DPP9: variants seen among roughly 807,000 people sequenced by gnomAD.
DPP9 encodes the protein dipeptidyl peptidase 9.
A neutral mutation model predicts 110.7 loss-of-function variants in DPP9; 50 were observed. The observed-to-expected ratio is 0.45, with a 90% CI of 0.36 to 0.57. DPP9 has a LOEUF of 0.57. Ranked by LOEUF, DPP9 falls within the 20% of genes least tolerant of loss-of-function variation. DPP9 has a pLI of 0.00. For missense variants in DPP9, 1,022 were observed against 1,217.9 expected, an observed-to-expected ratio of 0.84 and a Z score of 2.39; for synonymous variants, 561 against 514.4, an observed-to-expected ratio of 1.09 and a Z score of -1.23.
chr19:4,713,641 C>T (rs2092937767), intron 4 of DPP9, among the ~76,000 whole-genome samples: 1 of 152,240 alleles, frequency 6.6e-6, no homozygotes, highest in Admixed American at 6.5e-5. Context: ...CCACGGCGAG[C>T]TCCTCCTGGA....
Position 4,685,267 on chromosome 19 carries a change from G to C in DPP9, c.2031+359C>G. On this transcript the variant is annotated intron_variant, in intron 17 of 21. Coordinates refer to ENST00000262960, the MANE Select transcript of DPP9 (RefSeq NM_139159.5). The surrounding 1 kb of genome is among the most constrained non-coding windows in gnomAD (Gnocchi z 5.8). ...GATGTGCGCCTAAGATGGTCCAACT[G>C]CCAATCTGCTGCCTGCTTTTGACCC... 1.9e-6 allele frequency: 1 copy of C among 532,824 alleles called. No homozygotes were observed. Among genetic ancestry groups the C allele is most frequent in the East Asian group, 4.8e-5 (1 of 20,784 alleles). The allele number at this position is 532,824 out of a possible 1,614,324, so 33.0% of individuals were successfully genotyped here.
At chr19:4,708,506 T>C (rs564870470) in intron 4 of DPP9, among the ~76,000 whole-genome samples, 2 of 152,270 alleles carry the variant, frequency 1.3e-5, no homozygotes, top group Admixed American at 1.3e-4. Context: ...ATCTTCTCAC[T>C]ATTCACAACA....
intron 21 of DPP9, among the ~76,000 whole-genome samples, chr19:4,678,685 G>A (rs995262194): frequency 6.6e-6 from 1 of 152,064 alleles, no homozygotes; most frequent in Non-Finnish European, 1.5e-5. Context: ...GCACAAGGTG[G>A]CTCTGCCTCC....
rs1275138681 is a variant in DPP9, at chr19:4,682,946, G to GTTC, written c.2332-109_2332-108insGAA. The GTTC allele has an allele frequency of 2.3e-5, 36 of 1,534,862 alleles. No homozygotes were observed. Among genetic ancestry groups the GTTC allele is most frequent in the Non-Finnish European group, 3.1e-5 (36 of 1,146,318 alleles). On this transcript the variant is annotated intron_variant, in intron 19 of 21. Transcript: ENST00000262960. This position sits in a 1 kb window ranked among gnomAD's most constrained non-coding sequence, Gnocchi z 7.1. ...CCGGGGCCGCCCTGGAGCCCGTGAG[G>GTTC]AGCGCTCATGCACATGGGGCCGGCA...
rs1443405942 is a variant in DPP9, at chr19:4,685,755, A to G, written c.1902T>C (p.Tyr634=). ...GGAAATGGAAGATCTCTGGAGGAACATAATCCGGGGGGCAGCCTGCGGGAG... is the reference window on the plus strand; with the variant it reads ...GGAAATGGAAGATCTCTGGAGGAACGTAATCCGGGGGGCAGCCTGCGGGAG... The part of the protein sequence containing the change: ...MMEAASCPPD[Y]VPPEIFHFHT... The change falls in exon 17 of 22, where the codon TAT becomes TAC. Residue 634 remains tyrosine, a synonymous_variant. Transcript: ENST00000262960. This position sits in a 1 kb window ranked among gnomAD's most constrained non-coding sequence, Gnocchi z 5.8. The G allele has an allele frequency of 7.4e-6, 12 of 1,613,114 alleles. No homozygotes were observed. The highest frequency in any genetic ancestry group is 6.7e-5 in the African/African-American group (5 of 74,914).
chr19:4,700,351 G>C lies in DPP9; in HGVS notation c.1013-74C>G. 2 of 1,296,970 alleles carry C rather than the reference G, an allele frequency of 1.5e-6. No homozygotes were observed. Among genetic ancestry groups the C allele is most frequent in the Non-Finnish European group, 2.1e-6 (2 of 940,516 alleles). The allele number at this position is 1,296,970 out of a possible 1,614,324, so 80.3% of individuals were successfully genotyped here. A position where few individuals can be genotyped will look rare whatever the true frequency, so the allele number is the denominator to read the frequency against. ...TGCCGAGAGCCGGCACGGGGGGCCT[G>C]GGCTGTGGGGTGACGTCCACAGAGA... On this transcript the variant is annotated intron_variant, in intron 9 of 21. Transcript: ENST00000262960. This position sits in a 1 kb window ranked among gnomAD's most constrained non-coding sequence, Gnocchi z 4.3.
intron 1 of DPP9, among the ~76,000 whole-genome samples, 179 bp downstream of exon 1, chr19:4,723,495 C>T (rs1387358099): frequency 6.6e-6 from 1 of 152,116 alleles, no homozygotes; most frequent in African/African-American, 2.4e-5. Flanking sequence ...GGAGGAGGGC[C>T]TGGGGCGGAG....
chr19:4,711,557 G>A (rs2092829524), intron 4 of DPP9, among the ~76,000 whole-genome samples: 1 of 152,086 alleles, frequency 6.6e-6, no homozygotes, highest in Non-Finnish European at 1.5e-5. Context: ...CGGATCACCT[G>A]AGGTCAGGAG....
Position 4,689,580 on chromosome 19 carries a change from G to T in DPP9, c.1739C>A (p.Ser580Tyr). 1 of 1,563,900 alleles carries T rather than the reference G, an allele frequency of 6.4e-7. No homozygotes were observed. ...GCTGGGCGGTCCCACCTGGCTCATG[G>T]AGCAGCTATGGGAGAAGCCGGGCGT... Reference protein sequence around the residue: ...LTTPGFSHSCSMSQNFDMFVS... With the variant: ...LTTPGFSHSCYMSQNFDMFVS... The change falls in exon 15 of 22, where the codon TCC (serine) becomes TAC (tyrosine). Residue 580 changes from serine (S) to tyrosine (Y), a missense_variant. Physicochemically the swap from Ser to Tyr is moderately radical, Grantham distance 144. This residue lies in a region of DPP9 where 810 missense variants were observed against 920.6 expected (regional missense o/e 0.88). Coordinates refer to ENST00000262960, the MANE Select transcript of DPP9 (RefSeq NM_139159.5). This position sits in a 1 kb window ranked among gnomAD's most constrained non-coding sequence, Gnocchi z 7.0.
chr19:4,706,742 G>A (rs1221582192), intron 4 of DPP9, among the ~76,000 whole-genome samples: 1 of 152,232 alleles, frequency 6.6e-6, no homozygotes, highest in Non-Finnish European at 1.5e-5. Flanking sequence ...CTTGAACCTG[G>A]GAGGCAGAGG....
chr19:4,696,742 C>T (rs928110792), intron 11 of DPP9, among the ~76,000 whole-genome samples: 20 of 150,878 alleles, frequency 1.3e-4, no homozygotes, highest in Admixed American at 1.1e-3. Flanking sequence ...GGCAAGACTC[C>T]GTCTCAAAAA....
rs974972855 is a variant in DPP9 at position 4,684,514 on chromosome 19, A to T, written c.2178+149T>A. 11 of 831,734 alleles carry T rather than the reference A, an allele frequency of 1.3e-5. No individual in the cohort carries two copies. Among genetic ancestry groups the T allele is most frequent in the Non-Finnish European group, 1.3e-5 (7 of 540,910 alleles). 51.5% of individuals were successfully genotyped at this position (831,734 alleles called of 1,614,324 possible). A position where few individuals can be genotyped will look rare whatever the true frequency, so the allele number is the denominator to read the frequency against. On this transcript the variant is annotated intron_variant, in intron 18 of 21. Coordinates refer to ENST00000262960, the MANE Select transcript of DPP9 (RefSeq NM_139159.5). The surrounding 1 kb of genome is among the most constrained non-coding windows in gnomAD (Gnocchi z 4.8). ...AGCATACATCCCCTTTTGTTCTAAA[A>T]GGGCGCCTCATTGAGCCTGCGTCAC...
intron 2 of DPP9, among the ~76,000 whole-genome samples, chr19:4,720,459 G>A (rs2093270434): frequency 6.6e-6 from 1 of 152,168 alleles, no homozygotes; most frequent in Non-Finnish European, 1.5e-5. Context: ...CTTGCCCTGT[G>A]GCTCCTGATA....
intron 20 of DPP9, among the ~76,000 whole-genome samples, chr19:4,680,571 G>A (rs2089706608): frequency 6.6e-6 from 1 of 151,542 alleles, no homozygotes; most frequent in African/African-American, 2.4e-5. Context: ...AAGTTAGCCA[G>A]GCGTGGTGGT....
rs892127137 is a variant in DPP9, at chr19:4,714,444, C to A, written c.57-107G>T. On this transcript the variant is annotated intron_variant, in intron 3 of 21. Transcript: ENST00000262960. Reference sequence around the variant, plus strand: ...TCAGGTTCTTCCAGACGAGCCCCACCCCTGCCGCTTTCCCCACTCCCTAAA... The same window carrying A: ...TCAGGTTCTTCCAGACGAGCCCCACACCTGCCGCTTTCCCCACTCCCTAAA... 21 of 1,392,008 alleles carry A rather than the reference C, an allele frequency of 1.5e-5. No homozygotes were observed. The African/African-American group carries it at 2.9e-4, about 19-fold the overall frequency. 86.2% of individuals were successfully genotyped at this position (1,392,008 alleles called of 1,614,324 possible).
intron 4 of DPP9, 77 bp from the exon 5 acceptor site, chr19:4,706,047 C>T (rs1282709641): frequency 3.9e-6 from 5 of 1,294,522 alleles, no homozygotes; most frequent in Non-Finnish European, 5.4e-6. Flanking sequence ...GCAGCTGGGC[C>T]CAGCTGGTTC....
intron 7 of DPP9, 26 bp from the exon 8 acceptor site, chr19:4,702,742 A>T (rs1327058120): frequency 1.4e-6 from 2 of 1,463,692 alleles, no homozygotes; most frequent in Admixed American, 2.1e-5. Flanking sequence ...GAGAGCATCA[A>T]CAAGGGGTGA....
chr19:4,696,062 G>A (rs942168659), intron 11 of DPP9, among the ~76,000 whole-genome samples: 34 of 151,978 alleles, frequency 2.2e-4, no homozygotes, highest in African/African-American at 6.8e-4. Context: ...CACCATGCCC[G>A]GCTAATTTTT....
chr19:4,712,934 C>G (rs1348051340), intron 4 of DPP9, among the ~76,000 whole-genome samples: 1 of 152,194 alleles, frequency 6.6e-6, no homozygotes, highest in Non-Finnish European at 1.5e-5. Flanking sequence ...GGGGCTGCAG[C>G]ACACGCGGGC....
Sources: allele counts gnomAD v4.1 joint callset (sites outside exome capture counted in the v4.1 genomes callset), GRCh38; gene constraint gnomAD v4.1.1; regional missense constraint gnomAD v4.1.1; non-coding constraint Gnocchi (gnomAD v3.1); transcripts MANE v1.5; gene names NCBI Gene and HGNC (gene_info 2026-07-23, HGNC 2026-07-21).